Variants in XKR9 observed in about 807,000 individuals in gnomAD.
XKR9 encodes the protein XK related 9.
In XKR9, 32 loss-of-function variants were observed where a neutral mutation model predicts 32.0. That is an observed-to-expected ratio of 1.00 (90% CI 0.76 to 1.34). The LOEUF is 1.34. XKR9 is among the 40% of genes most tolerant of loss of function. The probability of loss-of-function intolerance (pLI) is 0.00; values close to 1 mark genes in which losing one functional copy is unlikely to be tolerated. For synonymous variants in XKR9, 168 were observed against 143.4 expected (o/e 1.17, Z -1.22); for missense variants, 546 against 429.7 (o/e 1.27, Z -2.39).
At chr8:70,814,818 C>G in the XKR9 span, among the ~76,000 whole-genome samples, 1 of 152,180 alleles carries the variant, frequency 6.6e-6, no homozygotes, top group African/African-American at 2.4e-5. Flanking sequence ...TTCCTCTTCA[C>G]TGATGGTACA....
intron 3 of XKR9, among the ~76,000 whole-genome samples, chr8:70,704,301 A>G (rs1805644413): frequency 6.6e-6 from 1 of 152,206 alleles, no homozygotes; most frequent in Non-Finnish European, 1.5e-5. Flanking sequence ...CCCTCAGATA[A>G]GCAGAACTTT....
chr8:70,762,943 T>C (rs1807327357), intron 2 of XKR9, among the ~76,000 whole-genome samples: 1 of 152,202 alleles, frequency 6.6e-6, no homozygotes, highest in South Asian at 2.1e-4. Context: ...ATAGAGACAC[T>C]ATTGAAATCA....
rs1340368572 is a variant in XKR9 at position 70,754,896 on chromosome 8, A to T, written n.353-34443A>T. Among the ~76,000 whole-genome samples the T allele has an allele frequency of 3.9e-5, 6 of 152,312 alleles. No individual in the cohort carries two copies. The East Asian group carries it at 1.2e-3, about 29-fold the overall frequency. ...AAACACCAAAAGCAATGGCAACAAA[A>T]GCCAAAATTGACAATTGGGATCTAA... On this transcript the variant is annotated intron_variant and non_coding_transcript_variant, in intron 2 of 3. Transcript: ENST00000520273.
At chr8:70,977,666 G>T in the XKR9 span, among the ~76,000 whole-genome samples, 1 of 152,262 alleles carries the variant, frequency 6.6e-6, no homozygotes, top group East Asian at 1.9e-4. Context: ...TATGTGGTCA[G>T]TTTTGGAATA....
chr8:70,881,143 G>A, the XKR9 span, among the ~76,000 whole-genome samples: 1 of 152,116 alleles, frequency 6.6e-6, no homozygotes, highest in Non-Finnish European at 1.5e-5. Context: ...AGACTTAAAT[G>A]TTAGACCTAA....
the XKR9 span, among the ~76,000 whole-genome samples, chr8:70,797,329 A>G: frequency 6.6e-6 from 1 of 152,168 alleles, no homozygotes; most frequent in African/African-American, 2.4e-5. Flanking sequence ...GAGGATACCA[A>G]GACAATTTTT....
intron 2 of XKR9, among the ~76,000 whole-genome samples, chr8:70,752,562 C>G (rs1807157531): frequency 6.6e-6 from 1 of 152,082 alleles, no homozygotes; most frequent in African/African-American, 2.4e-5. Context: ...GGCATTAATC[C>G]CCCTTAATGA....
chr8:70,846,662 T>C, the XKR9 span, among the ~76,000 whole-genome samples: 4 of 151,924 alleles, frequency 2.6e-5, no homozygotes, highest in Non-Finnish European at 4.4e-5. Flanking sequence ...AAGACATATA[T>C]GCACTAAAAG....
chr8:70,702,186 T>C (rs556050414), intron 3 of XKR9, among the ~76,000 whole-genome samples: 70 of 152,282 alleles, frequency 4.6e-4, no homozygotes, highest in Admixed American at 8.5e-4. Context: ...GGGTTCAATA[T>C]TTATAAAACT....
the XKR9 span, among the ~76,000 whole-genome samples, chr8:70,835,320 C>T: frequency 6.6e-6 from 1 of 152,046 alleles, no homozygotes; most frequent in African/African-American, 2.4e-5. Context: ...CTAAGAATAA[C>T]ATGGGTTTCC....
chr8:70,977,003 C>T, the XKR9 span, among the ~76,000 whole-genome samples: 8 of 152,162 alleles, frequency 5.3e-5, no homozygotes, highest in African/African-American at 1.7e-4. Context: ...AGTTTATTTT[C>T]ATAGAGGTGT....
chr8:70,816,437 C>G, the XKR9 span, among the ~76,000 whole-genome samples: 3 of 152,162 alleles, frequency 2.0e-5, no homozygotes, highest in African/African-American at 4.8e-5. Context: ...ATATCTGGTT[C>G]TGTATGTTTA....
intron 4 of XKR9, among the ~76,000 whole-genome samples, chr8:70,714,673 G>A (rs1226537444): frequency 6.6e-6 from 1 of 151,814 alleles, no homozygotes; most frequent in Non-Finnish European, 1.5e-5. Flanking sequence ...AGGATTTTTT[G>A]GTATTTGAAG....
At chr8:71,028,391 T>A in the XKR9 span, among the ~76,000 whole-genome samples, 5 of 152,196 alleles carry the variant, frequency 3.3e-5, no homozygotes, top group Non-Finnish European at 7.3e-5. Flanking sequence ...GAAATGCTAC[T>A]GATCCATGAT....
chr8:70,990,176 G>A, the XKR9 span, among the ~76,000 whole-genome samples: 1 of 152,134 alleles, frequency 6.6e-6, no homozygotes. Context: ...AAGTTATTTG[G>A]ATAATCAAGT....
chr8:70,943,044 TG>T, the XKR9 span, among the ~76,000 whole-genome samples: 1 of 146,920 alleles, frequency 6.8e-6, no homozygotes, highest in African/African-American at 2.4e-5. Context: ...TAAAAATTTA[TG>T]AAAATTGTAT....
the XKR9 span, among the ~76,000 whole-genome samples, chr8:70,802,447 C>T: frequency 6.6e-6 from 1 of 152,118 alleles, no homozygotes; most frequent in Non-Finnish European, 1.5e-5. Context: ...CCACTCTATG[C>T]CTTTTAATTG....
rs183995156 is a variant in XKR9, at chr8:70,704,012, C to T, written c.273-2921C>T. On this transcript the variant is annotated intron_variant, in intron 3 of 4. Transcript: ENST00000408926. ...CCTGGCTAACACAGTGAAACCCTGCCTCTACTAAAAATACAAAAAATTAGC... is the reference window on the plus strand; with the variant it reads ...CCTGGCTAACACAGTGAAACCCTGCTTCTACTAAAAATACAAAAAATTAGC... Among the ~76,000 whole-genome samples, 432 of 152,076 alleles carry T rather than the reference C, an allele frequency of 2.8e-3. 1 individual carries two copies. The highest frequency in any genetic ancestry group is 4.5e-3 in the Non-Finnish European group (308 of 67,984).
the XKR9 span, among the ~76,000 whole-genome samples, chr8:71,042,631 G>A: frequency 1.3e-5 from 2 of 151,742 alleles, no homozygotes; most frequent in Non-Finnish European, 2.9e-5. Context: ...TCCAGACAAG[G>A]CTACAGAAAA....
Sources: gnomAD v4.1 joint callset for allele counts (sites outside exome capture counted in the v4.1 genomes callset) on GRCh38, gnomAD v4.1.1 for gene constraint, MANE v1.5 for transcripts, NCBI Gene and HGNC (gene_info 2026-07-23, HGNC 2026-07-21) for gene names.